MORC1: variants seen among roughly 807,000 people sequenced by gnomAD.
MORC1 encodes MORC family CW-type zinc finger 1.
In MORC1, 59 loss-of-function variants were observed where a neutral mutation model predicts 134.9. The ratio of observed to expected loss-of-function variants is 0.44; its 90% CI spans 0.35 to 0.54. The LOEUF (loss-of-function observed/expected upper bound fraction) is 0.54, where lower values mean the gene tolerates loss of function less well. Ranked by LOEUF, MORC1 falls within the 20% of genes least tolerant of loss-of-function variation. The pLI, the probability that MORC1 is intolerant of heterozygous loss-of-function variation, is 0.00. For synonymous variants in MORC1, 395 were observed against 391.7 expected (o/e 1.01, Z -0.10); for missense variants, 947 against 1,134.5 (o/e 0.83, Z 2.37).
In MORC1 at chr3:109,095,024, A is replaced by T. The variant is rs762278923; in HGVS notation, c.468T>A (p.Ser156=). ...CAAATTTCTGGGGATCATCTGTGAC[A>T]GATTCTCTGGTTCTTATTAACCATG... ...MPSWLIRTRE[S]VTDDPQKFAM... The change falls in exon 7 of 28, where the codon TCT becomes TCA. Residue 156 remains serine, a synonymous_variant. Transcript: ENST00000232603. The T allele has an allele frequency of 6.3e-7, 1 of 1,592,880 alleles. No individual in the cohort carries two copies. The highest frequency in any genetic ancestry group is 1.2e-5 in the South Asian group (1 of 84,138).
At chr3:109,004,261 T>C (rs1228210120) in intron 20 of MORC1, among the ~76,000 whole-genome samples, 2 of 152,216 alleles carry the variant, frequency 1.3e-5, no homozygotes, top group Non-Finnish European at 1.5e-5. Flanking sequence ...ATTTGAATAT[T>C]TTCTATGGTG....
intron 24 of MORC1, among the ~76,000 whole-genome samples, chr3:108,978,421 C>T (rs1947622542): frequency 6.6e-6 from 1 of 152,176 alleles, no homozygotes; most frequent in Non-Finnish European, 1.5e-5. Context: ...AGGAGTGCTT[C>T]CTCCCTCCTG....
chr3:109,007,327 T>C (rs1218250036), intron 17 of MORC1, among the ~76,000 whole-genome samples: 1 of 152,166 alleles, frequency 6.6e-6, no homozygotes, highest in Non-Finnish European at 1.5e-5. Flanking sequence ...GGATCAAATG[T>C]GTTATGAACA....
chr3:109,028,264 ATG>A (rs1264305144), intron 16 of MORC1, among the ~76,000 whole-genome samples: 4 of 152,100 alleles, frequency 2.6e-5, no homozygotes, highest in Admixed American at 2.6e-4. Flanking sequence ...CGAAATATAT[ATG>A]TCTCTTTAAA....
chr3:108,981,312 T>G (rs139386306), intron 23 of MORC1, among the ~76,000 whole-genome samples: 200 of 152,320 alleles, frequency 1.3e-3, no homozygotes, highest in African/African-American at 4.7e-3. Context: ...GATAACAGTT[T>G]ATATCAAACG....
At chr3:109,003,278 C>T (rs59877803) in intron 20 of MORC1, among the ~76,000 whole-genome samples, 62,997 of 150,000 alleles carry the variant, frequency 0.42, 13,829 homozygotes, top group Middle Eastern at 0.55. Flanking sequence ...TATATATATA[C>T]ACACACAGAC....
rs561178550 is a variant in MORC1 at position 109,041,700 on chromosome 3, AG to A, written c.1331-6233del. On this transcript the variant is annotated intron_variant, in intron 14 of 27. Coordinates refer to ENST00000232603, the MANE Select transcript of MORC1 (RefSeq NM_014429.4). ...CGTCTCTACTAAAAATACAAAAGTTAGCTGGGTGTGGTGGCGCATACCTGTA... is the reference window on the plus strand; with the variant it reads ...CGTCTCTACTAAAAATACAAAAGTTACTGGGTGTGGTGGCGCATACCTGTA... Among the ~76,000 whole-genome samples the A allele has an allele frequency of 2.4e-3, 359 of 152,256 alleles. 1 individual carries two copies. The highest frequency in any genetic ancestry group is 8.2e-3 in the African/African-American group (339 of 41,546).
At chr3:109,000,802 G>A in intron 20 of MORC1, 144 bp from the exon 21 acceptor site, 1 of 602,938 alleles carries the variant, frequency 1.7e-6, no homozygotes, top group Non-Finnish European at 2.9e-6. Flanking sequence ...CGATCTTTGT[G>A]TATGATAAGC....
chr3:108,970,606 A>G (rs1268506985), intron 25 of MORC1, among the ~76,000 whole-genome samples: 1 of 152,160 alleles, frequency 6.6e-6, no homozygotes, highest in Non-Finnish European at 1.5e-5. Context: ...AATTTGTGCT[A>G]TTTTCACCAA....
chr3:109,096,826 C>T (rs1396129103), intron 6 of MORC1, among the ~76,000 whole-genome samples: 1 of 152,030 alleles, frequency 6.6e-6, no homozygotes. Context: ...GGATCAGACC[C>T]CTTTCTGGTA....
At chr3:109,004,141 C>A (rs1377983807) in intron 20 of MORC1, among the ~76,000 whole-genome samples, 1 of 152,084 alleles carries the variant, frequency 6.6e-6, no homozygotes, top group African/African-American at 2.4e-5. Context: ...ATCTTGCCTC[C>A]CTCCATGACT....
At chr3:108,985,636 AAGT>A (rs1947875722) in intron 22 of MORC1, among the ~76,000 whole-genome samples, 1 of 152,196 alleles carries the variant, frequency 6.6e-6, no homozygotes, top group Non-Finnish European at 1.5e-5. Context: ...TTGCAATGCA[AAGT>A]GAAAATTTTT....
rs777865307 is a variant in MORC1, at chr3:109,005,230, C to T, written c.1853G>A (p.Arg618His). 9.9e-6 allele frequency: 16 copies of T among 1,613,746 alleles called. No homozygotes were observed. Among genetic ancestry groups the T allele is most frequent in the Admixed American group, 5.0e-5 (3 of 59,916 alleles). The change falls in exon 19 of 28, where the codon CGT (arginine) becomes CAT (histidine). Residue 618 changes from arginine (R) to histidine (H), a missense_variant. By Grantham distance (29) the Arg-to-His change is conservative. Coordinates refer to ENST00000232603, the MANE Select transcript of MORC1 (RefSeq NM_014429.4). ...TTCTATGTTTCTTTTCTGTCCTCTA[C>T]GGCTCGCTGAAAGCTCAAAGGATGA... Reference protein sequence around the residue: ...SLSSFELSASRRGQKRNIEET... With the variant: ...SLSSFELSASHRGQKRNIEET...
At chr3:109,042,899 G>GAAT (rs1949587747) in intron 14 of MORC1, among the ~76,000 whole-genome samples, 1 of 152,052 alleles carries the variant, frequency 6.6e-6, no homozygotes, top group Non-Finnish European at 1.5e-5. Flanking sequence ...GCACAGAGTA[G>GAAT]AATGATGGTT....
chr3:109,070,721 G>A (rs1950298635), intron 8 of MORC1, among the ~76,000 whole-genome samples: 2 of 152,134 alleles, frequency 1.3e-5, no homozygotes, highest in South Asian at 4.1e-4. Context: ...CTACTCAACA[G>A]GTTAACATTA....
At chr3:109,007,363 T>G (rs138789041) in intron 17 of MORC1, among the ~76,000 whole-genome samples, 1,609 of 152,310 alleles carry the variant, frequency 0.011, 30 homozygotes, top group African/African-American at 0.037. Context: ...GAACTGGGTC[T>G]CGTTTCCAGC....
At chr3:108,988,326 C>T (rs1947951208) in intron 21 of MORC1, among the ~76,000 whole-genome samples, 1 of 152,108 alleles carries the variant, frequency 6.6e-6, no homozygotes, top group Non-Finnish European at 1.5e-5. Flanking sequence ...TTCTAAGCTA[C>T]TTTTGTCTAT....
intron 14 of MORC1, among the ~76,000 whole-genome samples, chr3:109,044,941 T>C (rs577757877): frequency 1.3e-4 from 17 of 133,910 alleles, no homozygotes; most frequent in Non-Finnish European, 2.6e-4. Flanking sequence ...TGAGACTCTG[T>C]CTCAAAAAAA....
At chr3:109,072,854 CTCTA>C (rs772991235) in intron 8 of MORC1, among the ~76,000 whole-genome samples, 27 of 152,182 alleles carry the variant, frequency 1.8e-4, no homozygotes, top group African/African-American at 4.8e-4. Flanking sequence ...GTGTCCATAT[CTCTA>C]TCTTTCTCTC....
Sources: allele counts gnomAD v4.1 joint callset (sites outside exome capture counted in the v4.1 genomes callset), GRCh38; gene constraint gnomAD v4.1.1; transcripts MANE v1.5; gene names NCBI Gene and HGNC (gene_info 2026-07-23, HGNC 2026-07-21).